DENND1A: variants seen among roughly 807,000 people sequenced by gnomAD.
The protein encoded by DENND1A is DENN domain-containing protein 1A.
DENND1A carries 51 observed loss-of-function variants against 113.7 expected under a neutral mutation model. That is an observed-to-expected ratio of 0.45 (90% CI 0.36 to 0.57). The LOEUF (loss-of-function observed/expected upper bound fraction) is 0.57, where lower values mean the gene tolerates loss of function less well. DENND1A is among the 20% of genes least tolerant of loss of function. The probability of loss-of-function intolerance (pLI) is 0.00; values close to 1 mark genes in which losing one functional copy is unlikely to be tolerated. For synonymous variants in DENND1A, 565 were observed against 570.8 expected (o/e 0.99, Z 0.14); for missense variants, 1,258 against 1,395.9 (o/e 0.90, Z 1.57).
chr9:123,457,424 A>G lies in DENND1A; in HGVS notation c.1110T>C (p.Gly370=). The G allele has an allele frequency of 6.2e-7, 1 of 1,613,658 alleles. No individual in the cohort carries two copies. The highest frequency in any genetic ancestry group is 1.1e-5 in the South Asian group (1 of 91,056). Residue 370 remains glycine (G), a synonymous_variant, in exon 15 of 24, where the codon GGT becomes GGC. Transcript: ENST00000394215. Reference sequence around the variant, plus strand: ...CGCCGGAATTGAGAAGATCTAATCGACCATCAATAAACTATAGAAAGAAGG... The same window carrying G: ...CGCCGGAATTGAGAAGATCTAATCGGCCATCAATAAACTATAGAAAGAAGG... ...QLQLFKQFID[G]RLDLLNSGEG... is the part of the protein sequence containing the mutation.
chr9:123,870,683 C>A (rs1329042405), intron 2 of DENND1A, among the ~76,000 whole-genome samples: 2 of 152,082 alleles, frequency 1.3e-5, no homozygotes, highest in African/African-American at 4.8e-5. Flanking sequence ...GATCCGCCCA[C>A]CTCAGCCTCC....
chr9:123,748,685 G>C lies in DENND1A; in HGVS notation c.302+9018C>G, dbSNP rs888274816. Among the ~76,000 whole-genome samples the C allele has an allele frequency of 2.6e-5, 4 of 152,150 alleles. No individual in the cohort carries two copies. The South Asian group carries it at 8.3e-4, about 32-fold the overall frequency. On this transcript the variant is annotated intron_variant, in intron 5 of 23. Coordinates refer to ENST00000394215, the MANE Select transcript of DENND1A (RefSeq NM_001352964.2). ...CATTTTCTTTTCTACCTCCCACCCA[G>C]TGAAAAGCAAAGATCAGGCTCAGAT...
At chr9:123,688,891 T>C (rs2064993429) in intron 5 of DENND1A, among the ~76,000 whole-genome samples, 1 of 151,116 alleles carries the variant, frequency 6.6e-6, no homozygotes, top group Non-Finnish European at 1.5e-5. Flanking sequence ...AAACCCTAAT[T>C]TGTTGTTAAA....
chr9:123,657,527 G>A (rs997653310), intron 8 of DENND1A, among the ~76,000 whole-genome samples: 1 of 152,138 alleles, frequency 6.6e-6, no homozygotes, highest in African/African-American at 2.4e-5. Context: ...ACTCTAAGCT[G>A]GGTACTCCTT....
At chr9:123,539,035 A>T (rs1423330488) in intron 13 of DENND1A, among the ~76,000 whole-genome samples, 1 of 151,944 alleles carries the variant, frequency 6.6e-6, no homozygotes, top group Non-Finnish European at 1.5e-5. Flanking sequence ...CTGTCTCTTT[A>T]TAAAAATATT....
chr9:123,731,893 A>G (rs1238673580), intron 5 of DENND1A, among the ~76,000 whole-genome samples: 2 of 152,260 alleles, frequency 1.3e-5, no homozygotes, highest in Non-Finnish European at 2.9e-5. Flanking sequence ...GAAACAAATC[A>G]ATTTTTTTAA....
intron 5 of DENND1A, among the ~76,000 whole-genome samples, chr9:123,685,580 A>G (rs2064757543): frequency 2.0e-5 from 3 of 152,222 alleles, no homozygotes; most frequent in Admixed American, 6.5e-5. Flanking sequence ...TGGGCATTCA[A>G]TAATTGTTGC....
At chr9:123,671,473 T>C in intron 6 of DENND1A, 102 bp from the exon 7 acceptor site, 1 of 1,073,134 alleles carries the variant, frequency 9.3e-7, no homozygotes, top group Non-Finnish European at 1.4e-6. Context: ...GCTGGGGAGA[T>C]GCTGGCCCCA....
At chr9:123,563,070 T>G (rs530175507) in intron 12 of DENND1A, among the ~76,000 whole-genome samples, 2 of 152,112 alleles carry the variant, frequency 1.3e-5, no homozygotes, top group Non-Finnish European at 2.9e-5. Context: ...AAGAAACTGG[T>G]CTCTGTTGGA....
chr9:123,860,739 A>G lies in DENND1A; in HGVS notation c.88+18212T>C, dbSNP rs78651341. ...CAGTTGTATCTGCTAATAATGCCTA[A>G]GCATGCGGAACAAAACAGCAGTACA... On this transcript the variant is annotated intron_variant, in intron 2 of 23. Coordinates refer to ENST00000394215, the MANE Select transcript of DENND1A (RefSeq NM_001352964.2). Among the ~76,000 whole-genome samples, 88 of 152,340 alleles carry G rather than the reference A, an allele frequency of 5.8e-4. 2 individuals are homozygous for G. In the East Asian group the frequency reaches 0.013, roughly 23 times the overall value.
chr9:123,857,887 A>T (rs1009822712), intron 2 of DENND1A, among the ~76,000 whole-genome samples: 1 of 151,524 alleles, frequency 6.6e-6, no homozygotes, highest in Non-Finnish European at 1.5e-5. Flanking sequence ...GTGAAACCCC[A>T]TCTCTACTAA....
chr9:123,929,824 G>A, intron 1 of DENND1A, 65 bp downstream of exon 1: 1 of 199,866 alleles, frequency 5.0e-6, no homozygotes, highest in Non-Finnish European at 9.7e-6. Flanking sequence ...CCCGCGGCCT[G>A]CAGCCCTGGC....
At chr9:123,830,690 C>G (rs1276367247) in intron 2 of DENND1A, among the ~76,000 whole-genome samples, 1 of 151,416 alleles carries the variant, frequency 6.6e-6, no homozygotes, top group Admixed American at 6.6e-5. Flanking sequence ...ATGGTGAAAC[C>G]CCATCTCTAC....
chr9:123,623,835 T>TG (rs1289917559), intron 10 of DENND1A, among the ~76,000 whole-genome samples: 3 of 152,360 alleles, frequency 2.0e-5, no homozygotes, highest in African/African-American at 7.2e-5. Flanking sequence ...TCAATGACTG[T>TG]GACCTGTGAT....
intron 2 of DENND1A, among the ~76,000 whole-genome samples, chr9:123,875,153 A>C (rs572692447): frequency 2.0e-4 from 30 of 152,366 alleles, no homozygotes; most frequent in African/African-American, 7.2e-4. Context: ...CATTTCTATA[A>C]AATTCAGAAG....
At chr9:123,809,569 G>A (rs1393870734) in intron 2 of DENND1A, among the ~76,000 whole-genome samples, 4 of 152,116 alleles carry the variant, frequency 2.6e-5, no homozygotes, top group Non-Finnish European at 2.9e-5. Context: ...TTTTCTGTGT[G>A]GCTAACCACT....
intron 19 of DENND1A, among the ~76,000 whole-genome samples, chr9:123,423,587 T>C (rs886789589): frequency 6.6e-6 from 1 of 152,222 alleles, no homozygotes; most frequent in African/African-American, 2.4e-5. Flanking sequence ...TGCACACTGA[T>C]GGATGGAAGC....
Position 123,534,108 on chromosome 9 carries a change from T to C in DENND1A, c.993+23462A>G, listed in dbSNP as rs145268984. On this transcript the variant is annotated intron_variant, in intron 13 of 23. Transcript: ENST00000394215. ...TATATGGAACTTATATTAAGCAACA[T>C]AGCATAACACAATGAGCATCTGCGA... is the stretch of plus-strand genomic sequence containing the variant. 7.0e-3 allele frequency among the ~76,000 whole-genome samples: 1,065 copies of C among 152,330 alleles called. 4 individuals carry two copies. The highest frequency in any genetic ancestry group is 0.012 in the Non-Finnish European group (796 of 68,030).
chr9:123,732,850 C>T (rs1199697063), intron 5 of DENND1A, among the ~76,000 whole-genome samples: 1 of 152,180 alleles, frequency 6.6e-6, no homozygotes, highest in African/African-American at 2.4e-5. Flanking sequence ...TCTGTCCAAA[C>T]CTAGGTTTCT....
Sources: gnomAD v4.1 joint callset for allele counts (sites outside exome capture counted in the v4.1 genomes callset) on GRCh38, gnomAD v4.1.1 for gene constraint, MANE v1.5 for transcripts, NCBI Gene and HGNC (gene_info 2026-07-23, HGNC 2026-07-21) for gene names.